Variants in CDH12 observed in about 807,000 individuals in gnomAD.
The protein encoded by CDH12 is cadherin-12.
Under a neutral mutation model 74.1 loss-of-function variants are expected in CDH12, and 41 were observed. The ratio of observed to expected loss-of-function variants is 0.55; its 90% CI spans 0.43 to 0.72. The LOEUF (loss-of-function observed/expected upper bound fraction) is 0.72, where lower values mean the gene tolerates loss of function less well. Among genes scored for constraint, CDH12 ranks in the 30% least tolerant of loss-of-function variants. The probability of loss-of-function intolerance (pLI) is 0.00; values close to 1 mark genes in which losing one functional copy is unlikely to be tolerated. For missense variants in CDH12, 945 were observed against 977.2 expected, an observed-to-expected ratio of 0.97 and a Z score of 0.44; for synonymous variants, 399 against 355.0, an observed-to-expected ratio of 1.12 and a Z score of -1.39.
intron 3 of CDH12, among the ~76,000 whole-genome samples, chr5:22,367,440 C>T (rs1741082324): frequency 6.6e-6 from 1 of 152,130 alleles, no homozygotes; most frequent in Admixed American, 6.6e-5. Flanking sequence ...TGTGTTTCCA[C>T]AAACATTTTA....
chr5:22,852,237 T>C (rs1375988409), intron 1 of CDH12, among the ~76,000 whole-genome samples: 1 of 152,150 alleles, frequency 6.6e-6, no homozygotes, highest in Non-Finnish European at 1.5e-5. Flanking sequence ...ATAAGAGATA[T>C]CAGGTACTCT....
intron 5 of CDH12, among the ~76,000 whole-genome samples, chr5:22,018,071 A>C (rs924019113): frequency 6.6e-6 from 1 of 152,066 alleles, no homozygotes; most frequent in African/African-American, 2.4e-5. Flanking sequence ...CTTCCTTTTA[A>C]TATTTAGTCC....
intron 3 of CDH12, among the ~76,000 whole-genome samples, chr5:22,353,862 G>A (rs1006191607): frequency 2.0e-5 from 3 of 152,158 alleles, no homozygotes; most frequent in Admixed American, 6.6e-5. Flanking sequence ...AATGCATCAA[G>A]TGTCTGCAAC....
intron 5 of CDH12, among the ~76,000 whole-genome samples, chr5:21,978,616 C>T (rs1407822938): frequency 1.3e-5 from 2 of 151,710 alleles, no homozygotes; most frequent in African/African-American, 4.8e-5. Flanking sequence ...AACAAAATAC[C>T]ATAATTATTT....
intron 1 of CDH12, among the ~76,000 whole-genome samples, chr5:22,695,706 A>G (rs74379116): frequency 0.06 from 9,070 of 152,208 alleles, 363 homozygotes; most frequent in Non-Finnish European, 0.083. Context: ...CTTTCAATTG[A>G]AATTGCTTGG....
intron 3 of CDH12, among the ~76,000 whole-genome samples, chr5:22,265,177 G>T (rs892191030): frequency 6.6e-6 from 1 of 152,074 alleles, no homozygotes; most frequent in East Asian, 1.9e-4. Context: ...AATTATAAAT[G>T]GGGTACCCAT....
chr5:21,796,833 A>G (rs556025469), intron 10 of CDH12, among the ~76,000 whole-genome samples: 1 of 152,236 alleles, frequency 6.6e-6, no homozygotes, highest in South Asian at 2.1e-4. Context: ...TGGATAATCA[A>G]CAGTTTTAAC....
At chr5:21,835,053 G>A (rs1355163936) in intron 8 of CDH12, among the ~76,000 whole-genome samples, 1 of 151,804 alleles carries the variant, frequency 6.6e-6, no homozygotes, top group South Asian at 2.1e-4. Context: ...GTATGCTGGG[G>A]GTGTTATCAG....
At chr5:22,738,515 A>C (rs572265633) in intron 1 of CDH12, among the ~76,000 whole-genome samples, 1 of 152,150 alleles carries the variant, frequency 6.6e-6, no homozygotes, top group East Asian at 1.9e-4. Context: ...GTTACCTTGT[A>C]TACAGGAGAA....
At chr5:22,347,479 C>T (rs976081423) in intron 3 of CDH12, among the ~76,000 whole-genome samples, 3 of 152,136 alleles carry the variant, frequency 2.0e-5, no homozygotes, top group African/African-American at 7.2e-5. Context: ...GACTGAAGAC[C>T]GCACCATCGG....
At chr5:22,322,451 AG>A (rs1278350582) in intron 3 of CDH12, among the ~76,000 whole-genome samples, 1 of 151,960 alleles carries the variant, frequency 6.6e-6, no homozygotes, top group African/African-American at 2.4e-5. Flanking sequence ...TTAGGACTCC[AG>A]AAATACTTTA....
intron 14 of CDH12, among the ~76,000 whole-genome samples, chr5:21,754,809 A>G (rs1744294491): frequency 6.6e-6 from 1 of 152,240 alleles, no homozygotes; most frequent in Non-Finnish European, 1.5e-5. Flanking sequence ...AATGAGGCAT[A>G]ATAGAAAATC....
At chr5:22,055,363 T>G (rs979794982) in intron 5 of CDH12, among the ~76,000 whole-genome samples, 3 of 152,142 alleles carry the variant, frequency 2.0e-5, no homozygotes, top group Non-Finnish European at 4.4e-5. Flanking sequence ...ATTTTGTAAA[T>G]CTATACAATT....
chr5:22,414,926 A>T (rs951430167), intron 2 of CDH12, among the ~76,000 whole-genome samples: 9 of 152,064 alleles, frequency 5.9e-5, no homozygotes, highest in Non-Finnish European at 1.2e-4. Flanking sequence ...ACAAAAGTCA[A>T]ATGAAGGCTG....
intron 1 of CDH12, among the ~76,000 whole-genome samples, chr5:22,574,178 C>G (rs1739670993): frequency 7.1e-6 from 1 of 141,218 alleles, no homozygotes; most frequent in Non-Finnish European, 1.5e-5. Context: ...CTCCTGGGTT[C>G]AAGTGGTTCT....
chr5:22,788,814 C>T (rs10070285), intron 1 of CDH12, among the ~76,000 whole-genome samples: 1 of 151,168 alleles, frequency 6.6e-6, no homozygotes, highest in African/African-American at 2.4e-5. Context: ...AAATAAGGAA[C>T]CTGAAGATGG....
intron 3 of CDH12, among the ~76,000 whole-genome samples, chr5:22,278,844 C>A (rs1736754498): frequency 6.6e-6 from 1 of 151,876 alleles, no homozygotes; most frequent in Admixed American, 6.6e-5. Flanking sequence ...TTAAAGAGAC[C>A]AAAATAAATG....
At chr5:21,838,075 T>C (rs1053570831) in intron 8 of CDH12, among the ~76,000 whole-genome samples, 4 of 152,206 alleles carry the variant, frequency 2.6e-5, no homozygotes, top group Non-Finnish European at 4.4e-5. Context: ...GACGTTAAAC[T>C]GGAAGGAATT....
chr5:21,937,385 T>C (rs1282995004), intron 6 of CDH12, among the ~76,000 whole-genome samples: 1 of 152,152 alleles, frequency 6.6e-6, no homozygotes, highest in Non-Finnish European at 1.5e-5. Context: ...AGAGAATATA[T>C]TTTGATGAAA....
Sources: gnomAD v4.1 joint callset for allele counts (sites outside exome capture counted in the v4.1 genomes callset) on GRCh38, gnomAD v4.1.1 for gene constraint, MANE v1.5 for transcripts, NCBI Gene and HGNC (gene_info 2026-07-23, HGNC 2026-07-21) for gene names.